The following ANKRD44 variants were observed in gnomAD, a reference collection of about 807,000 sequenced individuals.
ANKRD44 encodes ankyrin repeat domain 44.
A neutral mutation model predicts 116.0 loss-of-function variants in ANKRD44; 35 were observed. The ratio of observed to expected loss-of-function variants is 0.30; its 90% CI spans 0.23 to 0.40. The LOEUF (loss-of-function observed/expected upper bound fraction) is 0.40, where lower values mean the gene tolerates loss of function less well. Ranked by LOEUF, ANKRD44 falls within the 10% of genes least tolerant of loss-of-function variation. The pLI, the probability that ANKRD44 is intolerant of heterozygous loss-of-function variation, is 1.00. For missense variants in ANKRD44, 1,014 were observed against 1,242.6 expected, an observed-to-expected ratio of 0.82 and a Z score of 2.77; for synonymous variants, 435 against 461.8, an observed-to-expected ratio of 0.94 and a Z score of 0.74.
chr2:197,043,365 A>G (rs1178994188), intron 16 of ANKRD44, among the ~76,000 whole-genome samples: 1 of 152,028 alleles, frequency 6.6e-6, no homozygotes, highest in East Asian at 1.9e-4. Context: ...TCTAGTTTTG[A>G]CAAGGCTTTT....
intron 21 of ANKRD44, among the ~76,000 whole-genome samples, chr2:196,977,028 G>A (rs1045288378): frequency 6.6e-6 from 1 of 152,054 alleles, no homozygotes; most frequent in Non-Finnish European, 1.5e-5. Flanking sequence ...TCTATATACT[G>A]GCAATGAACA....
At chr2:197,088,201 G>A (rs1009071383) in intron 12 of ANKRD44, among the ~76,000 whole-genome samples, 13 of 152,168 alleles carry the variant, frequency 8.5e-5, no homozygotes, top group Admixed American at 6.5e-5. Flanking sequence ...TTTAAAAAAA[G>A]GTAAGGATTA....
chr2:197,121,283 C>T (rs1559080147), intron 8 of ANKRD44, 49 bp downstream of exon 8: 1 of 1,561,186 alleles, frequency 6.4e-7, no homozygotes, highest in Non-Finnish European at 8.8e-7. Flanking sequence ...TTTGCTCAAA[C>T]AGAAGCTCAA....
Position 197,186,612 on chromosome 2 carries a change from CTTTTTTTTTTTTTTTTTTTTTT to C in ANKRD44, c.111+389_111+410del, listed in dbSNP as rs149107038. ...CCATCACTATGCCCGGCTAATTTTTCTTTTTTTTTTTTTTTTTTTTTTTTTTTTTTTTTTTAGAGACAGAGTT... is the reference window on the plus strand; with the variant it reads ...CCATCACTATGCCCGGCTAATTTTTCTTTTTTTTTTTTTAGAGACAGAGTT... On this transcript the variant is annotated intron_variant, in intron 2 of 27. Coordinates refer to ENST00000282272, the MANE Select transcript of ANKRD44 (RefSeq NM_001195144.2). Among the ~76,000 whole-genome samples, 5 of 50,786 alleles carry C rather than the reference CTTTTTTTTTTTTTTTTTTTTTT, an allele frequency of 9.8e-5. 1 individual carries two copies. Among genetic ancestry groups the C allele is most frequent in the Non-Finnish European group, 1.3e-4 (3 of 22,760 alleles). 33.3% of individuals were successfully genotyped at this position (50,786 alleles called of 152,430 possible).
rs114846186 is a variant in ANKRD44 at position 197,288,195 on chromosome 2, A to G, written c.27+22383T>C. On this transcript the variant is annotated intron_variant, in intron 1 of 27. Coordinates refer to ENST00000282272, the MANE Select transcript of ANKRD44 (RefSeq NM_001195144.2). ...ATATTCTAAGCAAATGTTCAAATCCAATGAGAAACACTGTTACTTACATCC... is the reference window on the plus strand; with the variant it reads ...ATATTCTAAGCAAATGTTCAAATCCGATGAGAAACACTGTTACTTACATCC... 8.5e-3 allele frequency among the ~76,000 whole-genome samples: 1,288 copies of G among 152,308 alleles called. 13 individuals are homozygous for G. Among genetic ancestry groups the G allele is most frequent in the African/African-American group, 0.029 (1,210 of 41,572 alleles).
chr2:197,248,554 ATGTGTGTGTG>A (rs3057750), intron 1 of ANKRD44, among the ~76,000 whole-genome samples: 1 of 135,268 alleles, frequency 7.4e-6, no homozygotes. Context: ...ATATATGTAT[ATGTGTGTGTG>A]TGTGTGTGTG....
chr2:197,232,824 T>C (rs965253617), intron 1 of ANKRD44, among the ~76,000 whole-genome samples: 3 of 152,244 alleles, frequency 2.0e-5, no homozygotes, highest in African/African-American at 7.2e-5. Flanking sequence ...AGAGCAGAAC[T>C]CTCACGCACT....
At position 197,147,212 on chromosome 2, in the gene ANKRD44, A is replaced by T. The variant is rs1028551229; in HGVS notation, c.112-107T>A. 12 of 866,254 alleles carry T rather than the reference A, an allele frequency of 1.4e-5. No individual in the cohort carries two copies. The Middle Eastern group carries it at 8.8e-4, about 64-fold the overall frequency. The allele number at this position is 866,254 out of a possible 1,614,324, so 53.7% of individuals were successfully genotyped here. A position where few individuals can be genotyped will look rare whatever the true frequency, so the allele number is the denominator to read the frequency against. On this transcript the variant is annotated intron_variant, in intron 2 of 27. Transcript: ENST00000282272. ...TCACTCTGTGGTTAATGCATGTGGA[A>T]GAGTGTGAACACCAAACATTCGAGT...
chr2:196,991,929 G>A (rs1278161030), intron 27 of ANKRD44, among the ~76,000 whole-genome samples: 1 of 152,142 alleles, frequency 6.6e-6, no homozygotes, highest in African/African-American at 2.4e-5. Flanking sequence ...ACCAATCAAA[G>A]TCTCAAATCT....
intron 16 of ANKRD44, among the ~76,000 whole-genome samples, chr2:197,063,482 G>A (rs978821515): frequency 6.6e-6 from 1 of 152,162 alleles, no homozygotes; most frequent in African/African-American, 2.4e-5. Context: ...AGAGAAGAAG[G>A]CTTCAGATGA....
At chr2:197,061,656 G>A (rs1407160419) in intron 16 of ANKRD44, among the ~76,000 whole-genome samples, 1 of 152,190 alleles carries the variant, frequency 6.6e-6, no homozygotes, top group Non-Finnish European at 1.5e-5. Flanking sequence ...TAACTGGGGA[G>A]TAGTTATTAT....
chr2:197,048,902 T>C (rs1296130129), intron 16 of ANKRD44, among the ~76,000 whole-genome samples: 3 of 152,214 alleles, frequency 2.0e-5, no homozygotes, highest in Non-Finnish European at 4.4e-5. Context: ...TGGTATCTCA[T>C]TGTGGTTTTG....
chr2:197,289,621 AAGAGGACAAACTGT>A (rs1290217563), intron 1 of ANKRD44, among the ~76,000 whole-genome samples: 1 of 152,238 alleles, frequency 6.6e-6, no homozygotes, highest in Non-Finnish European at 1.5e-5. Context: ...CCAGAAACTA[AAGAGGACAAACTGT>A]ATGATTCCAT....
intron 24 of ANKRD44, 110 bp downstream of exon 24, chr2:196,998,797 A>T (rs1006650403): frequency 1.4e-6 from 2 of 1,441,502 alleles, no homozygotes; most frequent in African/African-American, 1.4e-5. Flanking sequence ...TAAAACTGCT[A>T]ATGGCCCTTT....
At chr2:197,206,942 G>A (rs2081221321) in intron 1 of ANKRD44, among the ~76,000 whole-genome samples, 2 of 152,118 alleles carry the variant, frequency 1.3e-5, no homozygotes, top group Admixed American at 1.3e-4. Flanking sequence ...TGCTCTCAGT[G>A]TATTTCATTC....
rs938973844 is a variant in ANKRD44, at chr2:197,033,802, G to A, written c.1651-8535C>T. Reference sequence around the variant, plus strand: ...GCAGCAATCACTGGAGATGTTGACTGGAATCTAGCTGCTCTAAGTAGTCCC... The same window carrying A: ...GCAGCAATCACTGGAGATGTTGACTAGAATCTAGCTGCTCTAAGTAGTCCC... On this transcript the variant is annotated intron_variant, in intron 16 of 27. Transcript: ENST00000282272. 5.9e-5 allele frequency among the ~76,000 whole-genome samples: 9 copies of A among 151,936 alleles called. No homozygotes were observed. The East Asian group carries it at 1.7e-3, about 29-fold the overall frequency.
intron 2 of ANKRD44, among the ~76,000 whole-genome samples, chr2:197,148,523 T>TA (rs2079562459): frequency 6.6e-6 from 1 of 152,242 alleles, no homozygotes; most frequent in Non-Finnish European, 1.5e-5. Context: ...ATAATACATC[T>TA]AACAACCCTT....
At chr2:197,241,598 A>C (rs2082090879) in intron 1 of ANKRD44, among the ~76,000 whole-genome samples, 1 of 152,188 alleles carries the variant, frequency 6.6e-6, no homozygotes, top group African/African-American at 2.4e-5. Flanking sequence ...TTGCTTTTGC[A>C]ATCTGGAAAA....
intron 1 of ANKRD44, among the ~76,000 whole-genome samples, chr2:197,188,696 A>G (rs2080748957): frequency 6.6e-6 from 1 of 152,232 alleles, no homozygotes; most frequent in Non-Finnish European, 1.5e-5. Flanking sequence ...CACGATGACA[A>G]GATGGAGTAG....
Sources: gnomAD v4.1 joint callset for allele counts (sites outside exome capture counted in the v4.1 genomes callset) on GRCh38, gnomAD v4.1.1 for gene constraint, MANE v1.5 for transcripts, NCBI Gene and HGNC (gene_info 2026-07-23, HGNC 2026-07-21) for gene names.